SLC2A10: variants seen among roughly 807,000 people sequenced by gnomAD.
SLC2A10 encodes the protein solute carrier family 2, facilitated glucose transporter member 10.
Under a neutral mutation model 32.1 loss-of-function variants are expected in SLC2A10, and 25 were observed. The observed-to-expected ratio is 0.78, with a 90% CI of 0.57 to 1.09. SLC2A10 has a LOEUF of 1.09. Ranked by LOEUF, SLC2A10 falls within the 50% of genes least tolerant of loss-of-function variation. The pLI, the probability that SLC2A10 is intolerant of heterozygous loss-of-function variation, is 0.00. For synonymous variants in SLC2A10, 332 were observed against 309.6 expected, an observed-to-expected ratio of 1.07 and a Z score of -0.76; for missense variants, 673 against 686.5, an observed-to-expected ratio of 0.98 and a Z score of 0.22.
At position 46,725,923 on chromosome 20, in the gene SLC2A10, G is replaced by T; in HGVS notation, c.887G>T (p.Arg296Leu). Residue 296 changes from arginine (R) to leucine (L), a missense_variant, in exon 2 of 5, where the codon CGC becomes CTC. Physicochemically the swap from Arg to Leu is moderately radical, Grantham distance 102 (BLOSUM62 -2). Coordinates refer to ENST00000359271, the MANE Select transcript of SLC2A10 (RefSeq NM_030777.4). ...ATGGGGCTGGTGGACCGTGCAGGCC[G>T]CAGGGCTCTGTTGCTAGCTGGCTGT... ...TAMGLVDRAGRRALLLAGCAL... is the reference protein window; with the variant it reads ...TAMGLVDRAGLRALLLAGCAL... The T allele has an allele frequency of 1.2e-6, 2 of 1,613,944 alleles. No individual in the cohort carries two copies. Among genetic ancestry groups the T allele is most frequent in the Non-Finnish European group, 1.7e-6 (2 of 1,180,014 alleles).
intron 1 of SLC2A10, chr20:46,714,447 AG>A (rs1163501593): frequency 6.6e-6 from 1 of 152,340 alleles, no homozygotes; most frequent in Non-Finnish European, 1.5e-5. Context: ...ACGGAAGATG[AG>A]GAGCGGATGC....
rs558025597 is a variant in SLC2A10 at position 46,725,923 on chromosome 20, G to A, written c.887G>A (p.Arg296His). Reference sequence around the variant, plus strand: ...ATGGGGCTGGTGGACCGTGCAGGCCGCAGGGCTCTGTTGCTAGCTGGCTGT... The same window carrying A: ...ATGGGGCTGGTGGACCGTGCAGGCCACAGGGCTCTGTTGCTAGCTGGCTGT... ...TAMGLVDRAG[R>H]RALLLAGCAL... is the part of the protein sequence containing the mutation. The change falls in exon 2 of 5, where the codon CGC (arginine) becomes CAC (histidine). Residue 296 changes from arginine (R) to histidine (H), a missense_variant. Transcript: ENST00000359271. The A allele has an allele frequency of 1.2e-5, 19 of 1,613,944 alleles. No homozygotes were observed. Among genetic ancestry groups the A allele is most frequent in the African/African-American group, 9.3e-5 (7 of 75,062 alleles).
At chr20:46,716,337 G>C (rs1487330437) in intron 1 of SLC2A10, among the ~76,000 whole-genome samples, 1 of 151,924 alleles carries the variant, frequency 6.6e-6, no homozygotes, top group Non-Finnish European at 1.5e-5. Flanking sequence ...ATTTTTAGTT[G>C]AGATGGGTTC....
At chr20:46,713,743 G>A (rs1048057385) in intron 1 of SLC2A10, among the ~76,000 whole-genome samples, 4 of 152,146 alleles carry the variant, frequency 2.6e-5, no homozygotes, top group South Asian at 2.1e-4. Flanking sequence ...AGGTGAAATA[G>A]CCCTGGTCCT....
At position 46,727,414 on chromosome 20, in the gene SLC2A10, G is replaced by A. The variant is rs547213347; in HGVS notation, c.1411+428G>A. 3.9e-5 allele frequency among the ~76,000 whole-genome samples: 6 copies of A among 152,134 alleles called. No homozygotes were observed. In the South Asian group the frequency reaches 8.3e-4, roughly 21 times the overall value. On this transcript the variant is annotated intron_variant, in intron 3 of 4. Coordinates refer to ENST00000359271, the MANE Select transcript of SLC2A10 (RefSeq NM_030777.4). ...CAGCTCACTGCAACCTCCACCTCCC[G>A]GGTTCAAACTATTCTCCTGCCTCAG...
intron 1 of SLC2A10, among the ~76,000 whole-genome samples, chr20:46,717,907 A>T (rs993194124): frequency 6.6e-6 from 1 of 152,156 alleles, no homozygotes; most frequent in Non-Finnish European, 1.5e-5. Flanking sequence ...GAGAAAGGCT[A>T]AATCTAACTA....
intron 2 of SLC2A10, 102 bp downstream of exon 2, chr20:46,726,426 G>A (rs1979966985): frequency 3.9e-6 from 6 of 1,522,022 alleles, no homozygotes; most frequent in East Asian, 2.4e-5. Context: ...TGTCAGTGGG[G>A]CACTAGAGGT....
At chr20:46,727,467 C>G (rs1306641105) in intron 3 of SLC2A10, among the ~76,000 whole-genome samples, 1 of 152,112 alleles carries the variant, frequency 6.6e-6, no homozygotes, top group Non-Finnish European at 1.5e-5. Flanking sequence ...ACTACAGGCA[C>G]CCGCCACCAC....
Position 46,729,452 on chromosome 20 carries a change from C to T in SLC2A10, c.1511C>T (p.Ser504Leu), listed in dbSNP as rs751824017. The T allele has an allele frequency of 6.2e-7, 1 of 1,613,802 alleles. No individual in the cohort carries two copies. Among genetic ancestry groups the T allele is most frequent in the Admixed American group, 1.7e-5 (1 of 60,002 alleles). ...YLFVPETKGQ[S>L]LAEIDQQFQK... ...TTTGTTCCTGAAACAAAAGGCCAGT[C>T]GTTGGCAGAGATAGACCAGCAGTTC... is the stretch of plus-strand genomic sequence containing the variant. The change falls in exon 4 of 5, where the codon TCG becomes TTG. Residue 504 changes from serine (S) to leucine (L), a missense_variant. Transcript: ENST00000359271.
At position 46,729,390 on chromosome 20, in the gene SLC2A10, ACTG is replaced by A. The variant is rs749090025; in HGVS notation, c.1450_1452del (p.Leu484del). On this transcript the variant is annotated inframe_deletion, in exon 4 of 5. Transcript: ENST00000359271. ...TGTCCTGGACCTTCCTGCTCTACGG[ACTG>A]ACCGCTGTCCTCGGCCTGGGCTTCA... 6.2e-7 allele frequency: 1 copy of A among 1,613,820 alleles called. No homozygotes were observed. The highest frequency in any genetic ancestry group is 1.1e-5 in the South Asian group (1 of 91,054).
chr20:46,724,411 T>C (rs1455972856), intron 1 of SLC2A10, among the ~76,000 whole-genome samples: 1 of 151,724 alleles, frequency 6.6e-6, no homozygotes, highest in Admixed American at 6.6e-5. Context: ...AATGGATGGA[T>C]TTGTAGATAG....
Position 46,709,660 on chromosome 20 carries a change from G to A in SLC2A10, c.-77G>A. On this transcript the variant is annotated 5_prime_UTR_variant, in exon 1 of 5. Coordinates refer to ENST00000359271, the MANE Select transcript of SLC2A10 (RefSeq NM_030777.4). ...GGGCCGGAAAGTTTGTCCGGCGGCA[G>A]CGGCGTTGGGGACTCCGGCGGGGGA... is the stretch of plus-strand genomic sequence containing the variant. The A allele has an allele frequency of 6.6e-7, 1 of 1,509,476 alleles. No individual in the cohort carries two copies. Among genetic ancestry groups the A allele is most frequent in the Non-Finnish European group, 8.9e-7 (1 of 1,126,706 alleles). 93.5% of individuals were successfully genotyped at this position (1,509,476 alleles called of 1,614,324 possible). A position where few individuals can be genotyped will look rare whatever the true frequency, so the allele number is the denominator to read the frequency against.
upstream of SLC2A10, among the ~76,000 whole-genome samples, chr20:46,709,242 T>A (rs1198145914): frequency 4.0e-5 from 6 of 151,504 alleles, no homozygotes; most frequent in East Asian, 9.8e-4. Context: ...TATGCGCGAG[T>A]GTCTCACTCG....
At chr20:46,728,604 GTTTTTTTTTTT>G (rs778644499) in intron 3 of SLC2A10, among the ~76,000 whole-genome samples, 1 of 101,352 alleles carries the variant, frequency 9.9e-6, no homozygotes, top group Admixed American at 1.1e-4. Context: ...TTCTGGGTGT[GTTTTTTTTTTT>G]TTTTTTTTTT....
chr20:46,725,694 G>T lies in SLC2A10; in HGVS notation c.658G>T (p.Asp220Tyr), dbSNP rs141897744. 4 of 1,613,942 alleles carry T rather than the reference G, an allele frequency of 2.5e-6. No homozygotes were observed. Among genetic ancestry groups the T allele is most frequent in the Non-Finnish European group, 3.4e-6 (4 of 1,180,038 alleles). ...GPGRPRYSFL[D>Y]LFRARDNMRG... ...GGGGAGGCCACGGTACTCCTTTCTG[G>T]ACCTCTTCAGGGCACGCGATAACAT... Residue 220 changes from aspartate to tyrosine, a missense_variant, in exon 2 of 5, where the codon GAC (aspartate) becomes TAC (tyrosine). Physicochemically the swap from Asp to Tyr is radical, Grantham distance 160. Transcript: ENST00000359271.
intron 1 of SLC2A10, among the ~76,000 whole-genome samples, chr20:46,722,897 T>C (rs1034608295): frequency 2.0e-5 from 3 of 152,244 alleles, no homozygotes; most frequent in African/African-American, 7.2e-5. Context: ...TGATCTTAAC[T>C]GGCAGCTCCC....
chr20:46,716,397 C>T (rs999660340), intron 1 of SLC2A10, among the ~76,000 whole-genome samples: 2 of 152,152 alleles, frequency 1.3e-5, no homozygotes, highest in African/African-American at 4.8e-5. Flanking sequence ...AAGTGATCCG[C>T]CCGCCTCAGC....
chr20:46,714,791 T>C (rs1441126250), intron 1 of SLC2A10, among the ~76,000 whole-genome samples: 1 of 152,140 alleles, frequency 6.6e-6, no homozygotes, highest in African/African-American at 2.4e-5. Context: ...GGAAAGGGAA[T>C]GTTCTTCCTC....
chr20:46,717,934 C>T (rs1021368623), intron 1 of SLC2A10, among the ~76,000 whole-genome samples: 3 of 152,082 alleles, frequency 2.0e-5, no homozygotes, highest in African/African-American at 4.8e-5. Context: ...TTGAAAATAC[C>T]TTGACTGCCA....
Sources: gnomAD v4.1 joint callset for allele counts (sites outside exome capture counted in the v4.1 genomes callset) on GRCh38, gnomAD v4.1.1 for gene constraint, MANE v1.5 for transcripts, NCBI Gene and HGNC (gene_info 2026-07-23, HGNC 2026-07-21) for gene names.